The following PRELID2 variants were observed in gnomAD, a reference collection of about 807,000 sequenced individuals.
PRELID2 encodes the protein PRELI domain containing 2, also known as PRELI domain-containing protein 2.
A neutral mutation model predicts 28.4 loss-of-function variants in PRELID2; 25 were observed. That is an observed-to-expected ratio of 0.88 (90% confidence interval 0.64 to 1.23). The LOEUF is 1.23. Among genes scored for constraint, PRELID2 ranks in the 50% most tolerant of loss-of-function variants. PRELID2 has a pLI of 0.00. For synonymous variants in PRELID2, 76 were observed against 71.6 expected, an observed-to-expected ratio of 1.06 and a Z score of -0.31; for missense variants, 201 against 214.4, an observed-to-expected ratio of 0.94 and a Z score of 0.39.
intron 1 of PRELID2, among the ~76,000 whole-genome samples, chr5:145,532,774 ATT>A (rs766796464): frequency 2.6e-5 from 4 of 152,042 alleles, no homozygotes; most frequent in Non-Finnish European, 5.9e-5. Context: ...GTTAATCCAT[ATT>A]GTTGCAAATG....
Position 145,819,727 on chromosome 5 carries a change from A to G in PRELID2, c.207+218T>C, listed in dbSNP as rs1050928902. ...GTAACTGCACAATATCTCTATGTCC[A>G]TTAAGAGTTCTTCACAAGACAGAGA... On this transcript the variant is annotated intron_variant, in intron 3 of 6. Coordinates refer to ENST00000683046, the MANE Select transcript of PRELID2 (RefSeq NM_205846.3). The G allele has an allele frequency of 1.2e-5, 7 of 588,170 alleles. No homozygotes were observed. The African/African-American group carries it at 1.3e-4, about 11-fold the overall frequency. The allele number at this position is 588,170 out of a possible 1,614,324, so 36.4% of individuals were successfully genotyped here.
chr5:145,741,911 TATAA>T (rs1225130091), intron 1 of PRELID2, among the ~76,000 whole-genome samples: 11 of 121,072 alleles, frequency 9.1e-5, no homozygotes, highest in African/African-American at 2.3e-4. Flanking sequence ...TAAATTTATA[TATAA>T]ATAAACAAAT....
intron 1 of PRELID2, among the ~76,000 whole-genome samples, chr5:145,596,540 C>A (rs551482864): frequency 2.6e-5 from 4 of 151,134 alleles, no homozygotes; most frequent in African/African-American, 9.7e-5. Flanking sequence ...GTTGTTCCTG[C>A]TCATCAAACT....
At chr5:145,611,339 T>C (rs1162335000) in intron 1 of PRELID2, among the ~76,000 whole-genome samples, 1 of 152,120 alleles carries the variant, frequency 6.6e-6, no homozygotes. Context: ...AATTTTTGTA[T>C]TTTTAGGGAA....
intron 1 of PRELID2, among the ~76,000 whole-genome samples, chr5:145,511,843 T>C (rs1485178295): frequency 6.6e-6 from 1 of 152,050 alleles, no homozygotes; most frequent in African/African-American, 2.4e-5. Context: ...AACTGGAAAA[T>C]AAAGTATTTT....
the PRELID2 span, among the ~76,000 whole-genome samples, chr5:145,261,293 T>A: frequency 6.6e-6 from 1 of 152,168 alleles, no homozygotes; most frequent in Non-Finnish European, 1.5e-5. Flanking sequence ...AGCCTGACCC[T>A]AGGGCAAGCT....
chr5:145,640,784 T>G lies in PRELID2; in HGVS notation n.70+124147A>C, dbSNP rs186855123. On this transcript the variant is annotated intron_variant and non_coding_transcript_variant, in intron 1 of 2. Coordinates refer to the PRELID2 transcript ENST00000510259. ...AATAACAAAACATATTACAAAACTA[T>G]AGTAATGAAGACAGCATGATATTGG... 9.2e-5 allele frequency among the ~76,000 whole-genome samples: 14 copies of G among 152,038 alleles called. No homozygotes were observed. The East Asian group carries it at 9.6e-4, about 10-fold the overall frequency.
the PRELID2 span, among the ~76,000 whole-genome samples, chr5:145,299,055 G>C: frequency 3.0e-3 from 449 of 151,958 alleles, 2 homozygotes; most frequent in African/African-American, 0.01. Context: ...AAAATTTTAA[G>C]AGAGACAAAA....
At chr5:145,590,211 T>C (rs565806233) in intron 1 of PRELID2, among the ~76,000 whole-genome samples, 1 of 152,260 alleles carries the variant, frequency 6.6e-6, no homozygotes, top group East Asian at 1.9e-4. Flanking sequence ...TCTGGTCTGG[T>C]CCTCCCCCAG....
At chr5:145,577,164 T>G (rs1753068087) in intron 1 of PRELID2, among the ~76,000 whole-genome samples, 1 of 152,098 alleles carries the variant, frequency 6.6e-6, no homozygotes, top group African/African-American at 2.4e-5. Flanking sequence ...CTTCTTTAAG[T>G]GCACATACAT....
At chr5:145,404,878 A>G in the PRELID2 span, among the ~76,000 whole-genome samples, 1 of 152,102 alleles carries the variant, frequency 6.6e-6, no homozygotes, top group Admixed American at 6.6e-5. Flanking sequence ...AGACACTGTT[A>G]TGTTAACCTC....
At chr5:145,603,369 G>C (rs965850220) in intron 1 of PRELID2, among the ~76,000 whole-genome samples, 1 of 151,230 alleles carries the variant, frequency 6.6e-6, no homozygotes, top group Non-Finnish European at 1.5e-5. Flanking sequence ...TGTAAACCAG[G>C]GGCTAACGGC....
intron 1 of PRELID2, among the ~76,000 whole-genome samples, chr5:145,726,053 C>T (rs1561559665): frequency 6.6e-6 from 1 of 151,866 alleles, no homozygotes; most frequent in Non-Finnish European, 1.5e-5. Context: ...AGAGTAGTCT[C>T]AGCTACTCCA....
At chr5:145,294,184 G>A in the PRELID2 span, among the ~76,000 whole-genome samples, 1 of 152,094 alleles carries the variant, frequency 6.6e-6, no homozygotes, top group African/African-American at 2.4e-5. Flanking sequence ...TGTAAGAAAT[G>A]CCATCATGCA....
the PRELID2 span, among the ~76,000 whole-genome samples, chr5:145,368,344 A>AT: frequency 1.6e-4 from 24 of 151,992 alleles, no homozygotes; most frequent in Non-Finnish European, 2.8e-4. Flanking sequence ...CAAAATGCCA[A>AT]TTTTTAGCTC....
At chr5:145,609,653 G>T (rs1753583489) in intron 1 of PRELID2, among the ~76,000 whole-genome samples, 1 of 152,246 alleles carries the variant, frequency 6.6e-6, no homozygotes, top group Non-Finnish European at 1.5e-5. Context: ...TAGAGGAGGG[G>T]CTCAGTGGGG....
At chr5:145,567,686 G>T (rs947252983) in intron 1 of PRELID2, among the ~76,000 whole-genome samples, 2 of 151,976 alleles carry the variant, frequency 1.3e-5, no homozygotes, top group Non-Finnish European at 1.5e-5. Context: ...CTGATCTGAT[G>T]GTTTTATGTG....
chr5:145,618,661 C>T (rs995360225), intron 1 of PRELID2, among the ~76,000 whole-genome samples: 11 of 152,182 alleles, frequency 7.2e-5, no homozygotes, highest in African/African-American at 2.7e-4. Flanking sequence ...TGGTTGGCCT[C>T]CTGCCAGGAG....
chr5:145,729,285 A>G lies in PRELID2; in HGVS notation n.70+35646T>C, dbSNP rs1756266622. 3.8e-6 allele frequency: 4 copies of G among 1,060,712 alleles called. 1 individual carries two copies. In the South Asian group the frequency reaches 5.4e-5, roughly 14 times the overall value. 65.7% of individuals were successfully genotyped at this position (1,060,712 alleles called of 1,614,324 possible). ...CATACCAAAATCAAGCATATTCCAC[A>G]ACTCAAACAAATATTCCTTGGGGCC... On this transcript the variant is annotated intron_variant and non_coding_transcript_variant, in intron 1 of 2. Transcript: ENST00000510259.
Sources: gnomAD v4.1 joint callset for allele counts (sites outside exome capture counted in the v4.1 genomes callset) on GRCh38, gnomAD v4.1.1 for gene constraint, MANE v1.5 for transcripts, NCBI Gene and HGNC (gene_info 2026-07-23, HGNC 2026-07-21) for gene names.